Variants in CLEC19A observed in about 807,000 individuals in gnomAD.
CLEC19A encodes C-type lectin domain containing 19A, also known as C-type lectin domain family 19 member A.
In CLEC19A, 21 loss-of-function variants were observed where a neutral mutation model predicts 26.1. The ratio of observed to expected loss-of-function variants is 0.80; its 90% confidence interval spans 0.57 to 1.16. CLEC19A has a LOEUF of 1.16. Among genes scored for constraint, CLEC19A ranks in the 50% most tolerant of loss-of-function variants. CLEC19A has a pLI of 0.00. For synonymous variants in CLEC19A, 89 were observed against 88.6 expected (o/e 1.00, Z -0.03); for missense variants, 224 against 227.6 (o/e 0.98, Z 0.10).
At chr16:19,299,754 C>T (rs541754016) in intron 2 of CLEC19A, among the ~76,000 whole-genome samples, 1 of 152,310 alleles carries the variant, frequency 6.6e-6, no homozygotes, top group African/African-American at 2.4e-5. Flanking sequence ...GCTTTGCTAC[C>T]TTTTTTGCAT....
In CLEC19A at chr16:19,298,703, G is replaced by A. The variant is rs1897755692; in HGVS notation, c.119G>A (p.Cys40Tyr). The A allele has an allele frequency of 6.4e-7, 1 of 1,551,030 alleles. No homozygotes were observed. The highest frequency in any genetic ancestry group is 2.4e-5 in the East Asian group (1 of 40,914). Residue 40 changes from cysteine (C) to tyrosine (Y), a missense_variant, in exon 2 of 5, where the codon TGC (cysteine) becomes TAC (tyrosine). By Grantham distance (194) the Cys-to-Tyr change is radical (BLOSUM62 -2). Transcript: ENST00000636231. The part of the protein sequence containing the change: ...ALPELPLPSL[C>Y]PLFWMEFKGH... ...CCAGAGCTGCCCCTGCCTTCCCTGT[G>A]CCCCCTGTTCTGGATGGAGTTCAAA...
intron 1 of CLEC19A, among the ~76,000 whole-genome samples, chr16:19,298,243 C>A (rs78865141): frequency 2.5e-4 from 32 of 127,432 alleles, no homozygotes; most frequent in Admixed American, 4.8e-4. Context: ...AACTCAATCT[C>A]AAAAAAAAAA....
In CLEC19A at chr16:19,310,041, G is replaced by C. The variant is rs1038877164; in HGVS notation, c.*958G>C. The C allele has an allele frequency of 6.6e-6, 1 of 152,138 alleles. No homozygotes were observed. The highest frequency in any genetic ancestry group is 1.5e-5 in the Non-Finnish European group (1 of 68,032). The allele number at this position is 152,138 out of a possible 1,614,324, so 9.4% of individuals were successfully genotyped here. ...AAGATTACCAAACTCATAAATTGCT[G>C]GTGGGAATGTAAAATAGTGAAGCCA... On this transcript the variant is annotated 3_prime_UTR_variant, in exon 5 of 5. Coordinates refer to ENST00000636231, the MANE Select transcript of CLEC19A (RefSeq NM_001256720.2).
chr16:19,296,198 G>C (rs1359123831), intron 1 of CLEC19A, among the ~76,000 whole-genome samples: 1 of 152,200 alleles, frequency 6.6e-6, no homozygotes, highest in Non-Finnish European at 1.5e-5. Flanking sequence ...CGCTGGGGTT[G>C]GGGACAGGCT....
intron 2 of CLEC19A, 89 bp downstream of exon 2, chr16:19,298,927 T>G (rs1897761318): frequency 1.5e-6 from 2 of 1,357,294 alleles, no homozygotes; most frequent in Non-Finnish European, 2.0e-6. Flanking sequence ...GGCATTTCTC[T>G]TTGGTAATTG....
chr16:19,299,221 T>A (rs913841679), intron 2 of CLEC19A, among the ~76,000 whole-genome samples: 1 of 152,208 alleles, frequency 6.6e-6, no homozygotes, highest in African/African-American at 2.4e-5. Context: ...CTGTATCCTG[T>A]GATACAACTG....
intron 2 of CLEC19A, 30 bp from the exon 3 acceptor site, chr16:19,304,032 A>T: frequency 1.3e-6 from 2 of 1,511,760 alleles, no homozygotes; most frequent in Non-Finnish European, 1.8e-6. Flanking sequence ...GGCCATGAGG[A>T]ATCAGCTACT....
At chr16:19,285,992 A>G (rs1897457751) in intron 1 of CLEC19A, 53 bp downstream of exon 1, 2 of 1,508,772 alleles carry the variant, frequency 1.3e-6, no homozygotes, top group Admixed American at 2.0e-5. Flanking sequence ...CACTCTCAGG[A>G]ACTTATTCTA....
chr16:19,289,787 C>G (rs1446680880), intron 1 of CLEC19A, among the ~76,000 whole-genome samples: 1 of 152,210 alleles, frequency 6.6e-6, no homozygotes, highest in Non-Finnish European at 1.5e-5. Flanking sequence ...CCTGGTGCCA[C>G]CAGTTCCGCT....
chr16:19,295,122 C>T (rs1477899052), intron 1 of CLEC19A, among the ~76,000 whole-genome samples: 1 of 152,114 alleles, frequency 6.6e-6, no homozygotes, highest in Non-Finnish European at 1.5e-5. Flanking sequence ...TAAAATTCCC[C>T]CTCACTGCTT....
At chr16:19,286,499 C>T (rs1360340253) in intron 1 of CLEC19A, among the ~76,000 whole-genome samples, 3 of 152,202 alleles carry the variant, frequency 2.0e-5, no homozygotes, top group Non-Finnish European at 4.4e-5. Flanking sequence ...GGGGCATCCC[C>T]AGGGATGAGA....
chr16:19,294,436 C>G (rs539745433), intron 1 of CLEC19A, among the ~76,000 whole-genome samples: 1 of 152,304 alleles, frequency 6.6e-6, no homozygotes, highest in Non-Finnish European at 1.5e-5. Context: ...TTAACACCCA[C>G]GTGGGGTAGG....
At chr16:19,294,568 T>C (rs181806290) in intron 1 of CLEC19A, among the ~76,000 whole-genome samples, 2 of 152,278 alleles carry the variant, frequency 1.3e-5, no homozygotes, top group African/African-American at 4.8e-5. Flanking sequence ...CCTCCTACAG[T>C]CAGAGAAAGA....
At chr16:19,299,503 T>C (rs1190042075) in intron 2 of CLEC19A, among the ~76,000 whole-genome samples, 1 of 152,150 alleles carries the variant, frequency 6.6e-6, no homozygotes, top group Non-Finnish European at 1.5e-5. Context: ...CATTCCTCTG[T>C]CTCCGAAGCC....
At chr16:19,303,798 G>A (rs1445577568) in intron 2 of CLEC19A, 1 of 360,494 alleles carries the variant, frequency 2.8e-6, no homozygotes, top group East Asian at 4.4e-5. Context: ...CACCTCATTT[G>A]CTAGTGTTTT....
At chr16:19,299,857 T>G (rs967149728) in intron 2 of CLEC19A, among the ~76,000 whole-genome samples, 10 of 152,216 alleles carry the variant, frequency 6.6e-5, no homozygotes, top group African/African-American at 2.4e-4. Context: ...ATCTCTGTTC[T>G]TCAAGAATCT....
intron 2 of CLEC19A, among the ~76,000 whole-genome samples, chr16:19,300,030 C>G (rs1897784969): frequency 6.6e-6 from 1 of 152,072 alleles, no homozygotes; most frequent in Non-Finnish European, 1.5e-5. Flanking sequence ...TCGAGACCAG[C>G]CTGGCTAACA....
intron 1 of CLEC19A, among the ~76,000 whole-genome samples, chr16:19,289,912 A>T (rs1897546530): frequency 6.6e-6 from 1 of 152,152 alleles, no homozygotes; most frequent in African/African-American, 2.4e-5. Flanking sequence ...AGTCTGTGAG[A>T]CACTTTCTTC....
chr16:19,303,459 A>G (rs1466763638), intron 2 of CLEC19A, among the ~76,000 whole-genome samples: 3 of 152,190 alleles, frequency 2.0e-5, no homozygotes, highest in Non-Finnish European at 4.4e-5. Context: ...GAATTATTTG[A>G]TAAGCTCTTT....
Sources: allele counts gnomAD v4.1 joint callset (sites outside exome capture counted in the v4.1 genomes callset), GRCh38; gene constraint gnomAD v4.1.1; transcripts MANE v1.5; gene names NCBI Gene and HGNC (gene_info 2026-07-23, HGNC 2026-07-21).